Variants in MAP2K1 observed in about 807,000 individuals in gnomAD.
MAP2K1 encodes dual specificity mitogen-activated protein kinase kinase 1.
In MAP2K1, 16 loss-of-function variants were observed where a neutral mutation model predicts 46.3. That is an observed-to-expected ratio of 0.35 (90% confidence interval 0.23 to 0.52). The LOEUF (loss-of-function observed/expected upper bound fraction) is 0.52. MAP2K1 is among the 20% of genes least tolerant of loss of function. The pLI, the probability that MAP2K1 is intolerant of heterozygous loss-of-function variation, is 0.94. For missense variants in MAP2K1, 263 were observed against 497.1 expected (o/e 0.53, Z 4.48); for synonymous variants, 183 against 185.6 (o/e 0.99, Z 0.11).
intron 4 of MAP2K1, among the ~76,000 whole-genome samples, chr15:66,443,687 A>G (rs983622815): frequency 6.6e-5 from 10 of 152,178 alleles, no homozygotes; most frequent in African/African-American, 1.7e-4. Context: ...CCTGGGCAAC[A>G]TGATGAGACC....
At chr15:66,436,675 C>T (rs2140582729) in intron 2 of MAP2K1, 71 bp from the exon 3 acceptor site, 1 of 1,449,980 alleles carries the variant, frequency 6.9e-7, no homozygotes, top group South Asian at 1.1e-5. Flanking sequence ...AAACATTTAA[C>T]AAGACTATAT....
At chr15:66,398,781 CTT>C (rs56256115) in intron 1 of MAP2K1, among the ~76,000 whole-genome samples, 5 of 142,884 alleles carry the variant, frequency 3.5e-5, no homozygotes, top group Non-Finnish European at 7.7e-5. Context: ...TTTTTTTTTT[CTT>C]TTTTTTTTTG....
rs2140675302 is a variant in MAP2K1, at chr15:66,485,155, C to T, written c.859C>T (p.Pro287Ser). Residue 287 changes from proline to serine, a missense_variant, in exon 7 of 11, where the codon CCA becomes TCA. Around this residue, in one of 4 missense-constraint regions of MAP2K1, gnomAD observed 118 missense variants for 193.0 expected, o/e 0.61. Coordinates refer to ENST00000307102, the MANE Select transcript of MAP2K1 (RefSeq NM_002755.4). Reference sequence around the variant, plus strand: ...GGTGGAAGGAGATGCGGCTGAGACCCCACCCAGGCCAAGGACCCCCGGGAG... The same window carrying T: ...GGTGGAAGGAGATGCGGCTGAGACCTCACCCAGGCCAAGGACCCCCGGGAG... ...CQVEGDAAETPPRPRTPGRPL... is the reference protein window; with the variant it reads ...CQVEGDAAETSPRPRTPGRPL... 1 of 1,613,960 alleles carries T rather than the reference C, an allele frequency of 6.2e-7. No individual in the cohort carries two copies. The highest frequency in any genetic ancestry group is 8.5e-7 in the Non-Finnish European group (1 of 1,180,028).
At chr15:66,480,277 T>C (rs1020459029) in intron 5 of MAP2K1, among the ~76,000 whole-genome samples, 2 of 152,012 alleles carry the variant, frequency 1.3e-5, no homozygotes, top group African/African-American at 2.4e-5. Context: ...TTAGTAGAGA[T>C]GGGAGTTACG....
intron 1 of MAP2K1, chr15:66,414,935 A>G (rs754101893): frequency 7.8e-5 from 32 of 408,020 alleles, no homozygotes; most frequent in Non-Finnish European, 1.3e-4. Flanking sequence ...CCTCTTCTTC[A>G]GTGGTACTTG....
At chr15:66,480,784 G>T (rs1040851165) in intron 5 of MAP2K1, among the ~76,000 whole-genome samples, 1 of 152,098 alleles carries the variant, frequency 6.6e-6, no homozygotes, top group East Asian at 1.9e-4. Context: ...GATATGGTCT[G>T]CCCTCAAAGT....
At chr15:66,473,308 C>T (rs1892683202) in intron 5 of MAP2K1, among the ~76,000 whole-genome samples, 1 of 152,150 alleles carries the variant, frequency 6.6e-6, no homozygotes, top group South Asian at 2.1e-4. Flanking sequence ...GGCGTAGTGG[C>T]TCACGATTGT....
intron 5 of MAP2K1, among the ~76,000 whole-genome samples, chr15:66,466,773 G>A (rs998278660): frequency 2.6e-5 from 4 of 152,056 alleles, no homozygotes; most frequent in Admixed American, 2.0e-4. Flanking sequence ...CAGCATTTAA[G>A]CAAAAAAATA....
chr15:66,475,518 G>A lies in MAP2K1; in HGVS notation c.569-6237G>A, dbSNP rs188261071. Among the ~76,000 whole-genome samples, 435 of 151,960 alleles carry A rather than the reference G, an allele frequency of 2.9e-3. 2 individuals are homozygous for A. The highest frequency in any genetic ancestry group is 0.01 in the African/African-American group (421 of 41,398). On this transcript the variant is annotated intron_variant, in intron 5 of 10. Coordinates refer to ENST00000307102, the MANE Select transcript of MAP2K1 (RefSeq NM_002755.4). ...GGGCTCCCCACTTCACCCCTCCACT[G>A]CCTTTCTCTTCCCCCAAGCCCCACC...
At chr15:66,399,875 G>A (rs2093377332) in intron 1 of MAP2K1, among the ~76,000 whole-genome samples, 1 of 152,118 alleles carries the variant, frequency 6.6e-6, no homozygotes, top group African/African-American at 2.4e-5. Context: ...GATTACAGGT[G>A]TGAGCCACCA....
intron 1 of MAP2K1, among the ~76,000 whole-genome samples, chr15:66,429,680 T>TCGCA (rs2093469985): frequency 3.1e-5 from 1 of 31,920 alleles, no homozygotes; most frequent in Non-Finnish European, 6.4e-5. Flanking sequence ...CCCCCCCCCG[T>TCGCA]CCCCCCCAAC....
rs538726920 is a variant in MAP2K1 at position 66,490,495 on chromosome 15, C to T, written c.1069-7C>T. On this transcript the variant is annotated splice_region_variant and splice_polypyrimidine_tract_variant and intron_variant, in intron 10 of 10. Transcript: ENST00000307102. ...AACACCACGTCCTCTCGTTTCCTTACATGCAGGTTCATGCTTTTATCAAGA... is the reference window on the plus strand; with the variant it reads ...AACACCACGTCCTCTCGTTTCCTTATATGCAGGTTCATGCTTTTATCAAGA... The T allele has an allele frequency of 2.5e-6, 4 of 1,591,808 alleles. No individual in the cohort carries two copies. Among genetic ancestry groups the T allele is most frequent in the Non-Finnish European group, 2.6e-6 (3 of 1,159,642 alleles).
chr15:66,490,796 T>C lies in MAP2K1; in HGVS notation c.*181T>C, dbSNP rs1689764843. The C allele has an allele frequency of 7.3e-6, 5 of 685,466 alleles. No individual in the cohort carries two copies. The highest frequency in any genetic ancestry group is 1.3e-5 in the Non-Finnish European group (5 of 374,206). 42.5% of individuals were successfully genotyped at this position (685,466 alleles called of 1,614,324 possible). ...TTTAATATTACTGTCTTTATTCTTATTACTATTATTGTTCCCCTAAGTGGA... is the reference window on the plus strand; with the variant it reads ...TTTAATATTACTGTCTTTATTCTTACTACTATTATTGTTCCCCTAAGTGGA... On this transcript the variant is annotated 3_prime_UTR_variant, in exon 11 of 11. Coordinates refer to ENST00000307102, the MANE Select transcript of MAP2K1 (RefSeq NM_002755.4).
chr15:66,394,370 T>C (rs1023555058), intron 1 of MAP2K1, among the ~76,000 whole-genome samples: 1 of 137,154 alleles, frequency 7.3e-6, no homozygotes, highest in African/African-American at 2.5e-5. Context: ...GTGAAGGCCC[T>C]GGAGGAAGAA....
At chr15:66,462,975 T>C (rs1892366877) in intron 5 of MAP2K1, among the ~76,000 whole-genome samples, 1 of 152,208 alleles carries the variant, frequency 6.6e-6, no homozygotes, top group Non-Finnish European at 1.5e-5. Flanking sequence ...CTTGTTTCTT[T>C]GCTTCTCTGT....
rs147333830 is a variant in MAP2K1, at chr15:66,487,232, C to T, written c.900C>T (p.Tyr300=). The part of the protein sequence containing the change: ...PRTPGRPLSS[Y]GMDSRPPMAI... Reference sequence around the variant, plus strand: ...TTCTTTTTATAAAATTTGTAGCATACGGAATGGACAGCCGACCTCCCATGG... The same window carrying T: ...TTCTTTTTATAAAATTTGTAGCATATGGAATGGACAGCCGACCTCCCATGG... Residue 300 remains tyrosine, a synonymous_variant, in exon 8 of 11, where the codon TAC becomes TAT. Transcript: ENST00000307102. The T allele has an allele frequency of 2.2e-5, 36 of 1,613,432 alleles. No homozygotes were observed. Among genetic ancestry groups the T allele is most frequent in the Admixed American group, 3.3e-5 (2 of 60,002 alleles).
chr15:66,484,879 G>C, intron 6 of MAP2K1, 111 bp from the exon 7 acceptor site: 2 of 933,824 alleles, frequency 2.1e-6, no homozygotes, highest in Non-Finnish European at 3.5e-6. Flanking sequence ...GGTTAGTGGA[G>C]CTCTTGAAAC....
At chr15:66,407,732 C>T (rs902463217) in intron 1 of MAP2K1, among the ~76,000 whole-genome samples, 7 of 152,200 alleles carry the variant, frequency 4.6e-5, no homozygotes, top group Non-Finnish European at 1.0e-4. Context: ...TTTCCAGCTA[C>T]TTAGAAGGCT....
Position 66,459,388 on chromosome 15 carries a change from G to A in MAP2K1, c.568+14681G>A, listed in dbSNP as rs1335854052. Among the ~76,000 whole-genome samples the A allele has an allele frequency of 2.0e-5, 3 of 151,724 alleles. No homozygotes were observed. In the East Asian group the frequency reaches 5.8e-4, roughly 29 times the overall value. ...TCCCAGCACTTTGGGAGGCCAAGATGGGTGGATCACTTGAGGTCAGGAGTT... is the reference window on the plus strand; with the variant it reads ...TCCCAGCACTTTGGGAGGCCAAGATAGGTGGATCACTTGAGGTCAGGAGTT... On this transcript the variant is annotated intron_variant, in intron 5 of 10. Transcript: ENST00000307102.
Sources: gnomAD v4.1 joint callset for allele counts (sites outside exome capture counted in the v4.1 genomes callset) on GRCh38, gnomAD v4.1.1 for gene constraint, gnomAD v4.1.1 regional missense constraint, MANE v1.5 for transcripts, NCBI Gene and HGNC (gene_info 2026-07-23, HGNC 2026-07-21) for gene names.